Variants in EYS observed in about 807,000 individuals in gnomAD.
EYS encodes the protein EGF-like photoreceptor maintenance factor, also known as protein eyes shut homolog.
Under a neutral mutation model 282.1 loss-of-function variants are expected in EYS, and 250 were observed. That is an observed-to-expected ratio of 0.89 (90% CI 0.80 to 0.98). EYS has a LOEUF of 0.98. EYS is among the 50% of genes least tolerant of loss of function. The probability of loss-of-function intolerance (pLI) is 0.00; values close to 1 mark genes in which losing one functional copy is unlikely to be tolerated. For synonymous variants in EYS, 1,355 were observed against 1,282.9 expected (o/e 1.06, Z -1.20); for missense variants, 4,016 against 3,709.0 (o/e 1.08, Z -2.15).
chr6:64,276,777 C>T (rs991839917), intron 30 of EYS, among the ~76,000 whole-genome samples: 1 of 152,096 alleles, frequency 6.6e-6, no homozygotes, highest in Admixed American at 6.6e-5. Context: ...CAGATACACT[C>T]CTCTATGATA....
At chr6:65,106,216 C>G (rs1254921030) in intron 12 of EYS, among the ~76,000 whole-genome samples, 1 of 151,928 alleles carries the variant, frequency 6.6e-6, no homozygotes, top group Admixed American at 6.6e-5. Flanking sequence ...GATCTCTAGA[C>G]GTATACTTTT....
chr6:64,192,312 G>C (rs1341704352), intron 31 of EYS, among the ~76,000 whole-genome samples: 1 of 152,004 alleles, frequency 6.6e-6, no homozygotes, highest in African/African-American at 2.4e-5. Context: ...TTCTTTTGCT[G>C]TGAAGAAGCT....
intron 1 of EYS, among the ~76,000 whole-genome samples, chr6:65,697,734 G>C (rs1769505835): frequency 6.6e-6 from 1 of 152,010 alleles, no homozygotes; most frequent in African/African-American, 2.4e-5. Context: ...AAAATTAGAC[G>C]ATGGAACCAA....
At chr6:64,271,500 T>C (rs1418781483) in intron 30 of EYS, among the ~76,000 whole-genome samples, 2 of 152,180 alleles carry the variant, frequency 1.3e-5, no homozygotes, top group Non-Finnish European at 2.9e-5. Context: ...AAAATTTATG[T>C]TAAAGATTTA....
intron 26 of EYS, among the ~76,000 whole-genome samples, chr6:64,542,761 T>C (rs777300586): frequency 1.3e-5 from 2 of 152,096 alleles, no homozygotes; most frequent in Admixed American, 1.3e-4. Flanking sequence ...TAGATGAGCA[T>C]CTTTCATGAA....
chr6:64,929,090 A>G (rs1220619291), intron 15 of EYS, among the ~76,000 whole-genome samples: 2 of 152,268 alleles, frequency 1.3e-5, no homozygotes, highest in East Asian at 3.9e-4. Flanking sequence ...GAGTATTTAC[A>G]GTGATATTCA....
chr6:65,344,092 G>A lies in EYS; in HGVS notation c.1545C>T (p.Asn515=), dbSNP rs767589543. The A allele has an allele frequency of 9.3e-6, 15 of 1,610,286 alleles. No individual in the cohort carries two copies. The highest frequency in any genetic ancestry group is 4.5e-5 in the East Asian group (2 of 44,754). The part of the protein sequence containing the change: ...ANCTEDATYV[N]DPEDNNSSCW... Reference sequence around the variant, plus strand: ...ATGAAGAATTATTATCTTCAGGATCGTTCACATAGGTTGCATCTTCAGTGC... The same window carrying A: ...ATGAAGAATTATTATCTTCAGGATCATTCACATAGGTTGCATCTTCAGTGC... The change falls in exon 10 of 43, where the codon AAC becomes AAT. Residue 515 remains asparagine, a synonymous_variant. Transcript: ENST00000503581.
At chr6:64,419,027 G>A (rs1023812854) in intron 28 of EYS, among the ~76,000 whole-genome samples, 4 of 151,794 alleles carry the variant, frequency 2.6e-5, no homozygotes, top group African/African-American at 9.7e-5. Flanking sequence ...AGATCAAATA[G>A]AACAGCCCTG....
intron 12 of EYS, among the ~76,000 whole-genome samples, chr6:65,235,875 GA>G (rs200017784): frequency 4.6e-5 from 7 of 151,348 alleles, no homozygotes; most frequent in Non-Finnish European, 1.0e-4. Context: ...TCTTTAAAGG[GA>G]AAAAAAATCT....
At chr6:64,670,858 G>A (rs544242021) in intron 22 of EYS, among the ~76,000 whole-genome samples, 1 of 152,158 alleles carries the variant, frequency 6.6e-6, no homozygotes, top group East Asian at 1.9e-4. Flanking sequence ...ATTAAGGATA[G>A]TAACTCACAG....
At chr6:63,851,984 C>T (rs1396065510) in intron 36 of EYS, among the ~76,000 whole-genome samples, 10 of 151,700 alleles carry the variant, frequency 6.6e-5, no homozygotes, top group Middle Eastern at 3.4e-3. Flanking sequence ...GGTGAAACCC[C>T]GTCTCTACTA....
At chr6:63,767,269 TAGAAAG>T (rs1214149290) in intron 40 of EYS, among the ~76,000 whole-genome samples, 8 of 151,992 alleles carry the variant, frequency 5.3e-5, no homozygotes, top group Non-Finnish European at 1.0e-4. Flanking sequence ...GATATCCAGA[TAGAAAG>T]AGAGGAATTC....
At chr6:64,884,286 C>A (rs1767014778) in intron 19 of EYS, among the ~76,000 whole-genome samples, 1 of 151,462 alleles carries the variant, frequency 6.6e-6, no homozygotes, top group Admixed American at 6.6e-5. Flanking sequence ...TTTAACTTTC[C>A]TCTCTATCAC....
chr6:65,101,741 G>A (rs1310713853), intron 12 of EYS, among the ~76,000 whole-genome samples: 1 of 151,176 alleles, frequency 6.6e-6, no homozygotes, highest in African/African-American at 2.4e-5. Flanking sequence ...ATAAGTATCA[G>A]ATTGGGTAAT....
At chr6:65,125,650 ACTC>A in intron 12 of EYS, among the ~76,000 whole-genome samples, 1 of 152,056 alleles carries the variant, frequency 6.6e-6, no homozygotes, top group Non-Finnish European at 1.5e-5. Context: ...TCTACATCTC[ACTC>A]CTCCTTGCTC....
intron 1 of EYS, among the ~76,000 whole-genome samples, chr6:65,689,843 T>C (rs1218967319): frequency 6.7e-6 from 1 of 149,782 alleles, no homozygotes; most frequent in Non-Finnish European, 1.5e-5. Flanking sequence ...CTCAATGCAA[T>C]GGGGATCTCT....
chr6:64,371,091 C>T (rs1220554358), intron 29 of EYS, among the ~76,000 whole-genome samples: 1 of 151,758 alleles, frequency 6.6e-6, no homozygotes, highest in Non-Finnish European at 1.5e-5. Flanking sequence ...TTTCTAGTTC[C>T]TCTAATTGTG....
At chr6:64,158,293 A>G (rs1774994575) in intron 31 of EYS, among the ~76,000 whole-genome samples, 1 of 152,232 alleles carries the variant, frequency 6.6e-6, no homozygotes, top group Non-Finnish European at 1.5e-5. Flanking sequence ...TAAGTGCTCA[A>G]CAAACTTTTG....
At chr6:65,112,320 A>T (rs986156990) in intron 12 of EYS, among the ~76,000 whole-genome samples, 1 of 152,114 alleles carries the variant, frequency 6.6e-6, no homozygotes, top group African/African-American at 2.4e-5. Flanking sequence ...TGTATATATG[A>T]CCTACCTTTA....
Sources: gnomAD v4.1 joint callset for allele counts (sites outside exome capture counted in the v4.1 genomes callset) on GRCh38, gnomAD v4.1.1 for gene constraint, MANE v1.5 for transcripts, NCBI Gene and HGNC (gene_info 2026-07-23, HGNC 2026-07-21) for gene names.